FAM114A1: variants seen among roughly 807,000 people sequenced by gnomAD.
FAM114A1 encodes the protein protein NOXP20.
In FAM114A1, 62 loss-of-function variants were observed where a neutral mutation model predicts 64.3. The ratio of observed to expected loss-of-function variants is 0.96; its 90% CI spans 0.79 to 1.19. FAM114A1 has a LOEUF of 1.19. Ranked by LOEUF, FAM114A1 falls within the 50% of genes most tolerant of loss-of-function variation. The probability of loss-of-function intolerance (pLI) is 0.00; values close to 1 mark genes in which losing one functional copy is unlikely to be tolerated. For missense variants in FAM114A1, 645 were observed against 676.3 expected, an observed-to-expected ratio of 0.95 and a Z score of 0.51; for synonymous variants, 254 against 251.1, an observed-to-expected ratio of 1.01 and a Z score of -0.11.
At position 38,945,528 on chromosome 4, in the gene FAM114A1, T is replaced by C. The variant is rs1721898152; in HGVS notation, c.*1971T>C. On this transcript the variant is annotated 3_prime_UTR_variant, in exon 15 of 15. Coordinates refer to ENST00000358869, the MANE Select transcript of FAM114A1 (RefSeq NM_138389.4). ...TGGAAACCTCTTATTCACATTTGCT[T>C]TGATTCCCCGATGGAGTAGACTGCC... 6.6e-6 allele frequency: 1 copy of C among 152,240 alleles called. No homozygotes were observed. The highest frequency in any genetic ancestry group is 2.1e-4 in the South Asian group (1 of 4,830). 9.4% of individuals were successfully genotyped at this position (152,240 alleles called of 1,614,324 possible).
chr4:38,894,803 A>G (rs1716755627), intron 4 of FAM114A1, among the ~76,000 whole-genome samples: 1 of 152,210 alleles, frequency 6.6e-6, no homozygotes. Context: ...TTGCTATGTA[A>G]GGAATTACCA....
intron 10 of FAM114A1, 66 bp from the exon 11 acceptor site, chr4:38,931,385 G>A (rs1397564353): frequency 8.6e-6 from 13 of 1,518,962 alleles, no homozygotes; most frequent in African/African-American, 1.4e-5. Flanking sequence ...TCTAGTCTTG[G>A]GGTTGGAATG....
intron 8 of FAM114A1, among the ~76,000 whole-genome samples, chr4:38,915,287 A>G (rs910501774): frequency 1.3e-5 from 2 of 152,060 alleles, no homozygotes; most frequent in Non-Finnish European, 1.5e-5. Context: ...CAGCTCCAAA[A>G]AGGCCTGCAC....
chr4:38,895,205 G>A (rs546165846), intron 4 of FAM114A1, among the ~76,000 whole-genome samples: 45 of 152,300 alleles, frequency 3.0e-4, no homozygotes, highest in South Asian at 1.2e-3. Flanking sequence ...CTTTGAAGAC[G>A]TCATCTTTCA....
Position 38,921,303 on chromosome 4 carries a change from G to A in FAM114A1, c.946-1467G>A, listed in dbSNP as rs529025840. On this transcript the variant is annotated intron_variant, in intron 8 of 14. Transcript: ENST00000358869. ...TCTGTTTTTTTTGAAACAGGATCTT[G>A]CTGGAGTGCAGTGGCACAATCATAG... 7.2e-5 allele frequency among the ~76,000 whole-genome samples: 11 copies of A among 152,266 alleles called. No individual in the cohort carries two copies. The South Asian group carries it at 2.1e-3, about 29-fold the overall frequency.
chr4:38,915,288 AGGCCT>A (rs1304965441), intron 8 of FAM114A1, among the ~76,000 whole-genome samples: 2 of 152,068 alleles, frequency 1.3e-5, no homozygotes, highest in Non-Finnish European at 1.5e-5. Context: ...AGCTCCAAAA[AGGCCT>A]GCACAGTAAG....
chr4:38,932,154 T>C, intron 11 of FAM114A1, 81 bp from the exon 12 acceptor site: 2 of 1,441,626 alleles, frequency 1.4e-6, no homozygotes, highest in Non-Finnish European at 1.9e-6. Context: ...GAAAGAATTA[T>C]ATCACTTCTA....
chr4:38,896,809 A>T (rs1716985675), intron 4 of FAM114A1, among the ~76,000 whole-genome samples: 1 of 152,242 alleles, frequency 6.6e-6, no homozygotes, highest in Non-Finnish European at 1.5e-5. Flanking sequence ...ACAGTAGTAG[A>T]CAAGCTTTGA....
intron 3 of FAM114A1, among the ~76,000 whole-genome samples, chr4:38,879,173 AAAG>A (rs764910247): frequency 1.3e-5 from 2 of 152,234 alleles, no homozygotes; most frequent in Admixed American, 1.3e-4. Flanking sequence ...GCCCCGCATT[AAAG>A]AAGGAGACAG....
intron 6 of FAM114A1, among the ~76,000 whole-genome samples, 164 bp downstream of exon 6, chr4:38,906,025 C>A (rs1242058279): frequency 6.6e-6 from 1 of 151,848 alleles, no homozygotes; most frequent in Non-Finnish European, 1.5e-5. Context: ...GTAGACGTAA[C>A]CTTGGATTCA....
intron 2 of FAM114A1, among the ~76,000 whole-genome samples, chr4:38,871,086 C>CTTTTTTTTTTTTT (rs9306968): frequency 2.1e-3 from 200 of 93,936 alleles, no homozygotes; most frequent in Non-Finnish European, 3.2e-3. Context: ...TTTTTTCTTT[C>CTTTTTTTTTTTTT]TTTTTTTTTT....
Position 38,929,343 on chromosome 4 carries a change from G to A in FAM114A1, c.1161+10G>A, listed in dbSNP as rs767500824. On this transcript the variant is annotated intron_variant, in intron 10 of 14. Transcript: ENST00000358869. ...TGACAAACTCAATAAGGTCAGCACT[G>A]TCTGATTTATAGTTTCTGGTTAAAA... 1.9e-5 allele frequency: 31 copies of A among 1,597,930 alleles called. 1 individual carries two copies. In the South Asian group the frequency reaches 3.3e-4, roughly 17 times the overall value.
intron 9 of FAM114A1, among the ~76,000 whole-genome samples, chr4:38,925,002 T>C (rs1719976850): frequency 6.6e-6 from 1 of 152,264 alleles, no homozygotes; most frequent in Non-Finnish European, 1.5e-5. Flanking sequence ...ACTGGTGCTA[T>C]TCCTTGGAGG....
At chr4:38,933,144 G>A (rs1291769735) in intron 12 of FAM114A1, among the ~76,000 whole-genome samples, 1 of 152,058 alleles carries the variant, frequency 6.6e-6, no homozygotes, top group South Asian at 2.1e-4. Context: ...GAGCCACCAC[G>A]CCTAGCCAGA....
intron 13 of FAM114A1, among the ~76,000 whole-genome samples, chr4:38,937,230 T>C (rs1034863780): frequency 6.6e-6 from 1 of 152,202 alleles, no homozygotes; most frequent in Non-Finnish European, 1.5e-5. Context: ...CTGGGTTATT[T>C]TCTCGTGGTT....
intron 2 of FAM114A1, among the ~76,000 whole-genome samples, chr4:38,874,446 G>T (rs897618220): frequency 1.1e-4 from 16 of 152,100 alleles, no homozygotes; most frequent in Admixed American, 6.5e-5. Flanking sequence ...TCATATGCTT[G>T]TTGGCCACCT....
chr4:38,926,758 CTCTA>C (rs1261831335), intron 9 of FAM114A1, among the ~76,000 whole-genome samples: 1 of 152,168 alleles, frequency 6.6e-6, no homozygotes, highest in Non-Finnish European at 1.5e-5. Context: ...GCCAGGCCCT[CTCTA>C]TCTATCTCTG....
In FAM114A1 at chr4:38,880,825, A is replaced by T. The variant is rs956717422; in HGVS notation, c.348+2399A>T. Among the ~76,000 whole-genome samples, 8 of 152,356 alleles carry T rather than the reference A, an allele frequency of 5.3e-5. No homozygotes were observed. The East Asian group carries it at 1.3e-3, about 26-fold the overall frequency. ...CAAGCTCTACTAATTCAAAATCCAT[A>T]CTAATTCAAAATCCATATACATTCC... On this transcript the variant is annotated intron_variant, in intron 3 of 14. Coordinates refer to ENST00000358869, the MANE Select transcript of FAM114A1 (RefSeq NM_138389.4).
At chr4:38,884,772 G>C (rs7681448) in intron 3 of FAM114A1, among the ~76,000 whole-genome samples, 41,715 of 151,674 alleles carry the variant, frequency 0.28, 6,019 homozygotes, top group African/African-American at 0.31. Flanking sequence ...GTTTACTCAA[G>C]GCAACTGTCT....
Sources: gnomAD v4.1 joint callset for allele counts (sites outside exome capture counted in the v4.1 genomes callset) on GRCh38, gnomAD v4.1.1 for gene constraint, MANE v1.5 for transcripts, NCBI Gene and HGNC (gene_info 2026-07-23, HGNC 2026-07-21) for gene names.